Variants in SLA observed in about 807,000 individuals in gnomAD.
SLA encodes src-like-adapter.
In SLA, 16 loss-of-function variants were observed where a neutral mutation model predicts 30.3. The ratio of observed to expected loss-of-function variants is 0.53; its 90% confidence interval spans 0.36 to 0.80. SLA has a LOEUF of 0.80. Ranked by LOEUF, SLA falls within the 30% of genes least tolerant of loss-of-function variation. The pLI is 0.01. For missense variants in SLA, 310 were observed against 345.2 expected, an observed-to-expected ratio of 0.90 and a Z score of 0.81; for synonymous variants, 143 against 137.8, an observed-to-expected ratio of 1.04 and a Z score of -0.26.
intron 1 of SLA, among the ~76,000 whole-genome samples, chr8:133,081,624 G>T (rs1037343513): frequency 6.6e-6 from 1 of 152,196 alleles, no homozygotes; most frequent in Non-Finnish European, 1.5e-5. Context: ...CACCACAACT[G>T]TCTGCTGCGA....
intron 1 of SLA, among the ~76,000 whole-genome samples, chr8:133,100,335 G>A: frequency 6.6e-6 from 1 of 152,018 alleles, no homozygotes; most frequent in Admixed American, 6.5e-5. Flanking sequence ...CCCTACCCCA[G>A]CACTCAAACC....
intron 5 of SLA, 36 bp downstream of exon 5, chr8:133,049,866 C>T (rs762686432): frequency 3.1e-6 from 4 of 1,306,704 alleles, no homozygotes; most frequent in East Asian, 4.6e-5. Context: ...GCATACGCAT[C>T]ATGCTTAATT....
chr8:133,069,586 G>A (rs1843640091), intron 2 of SLA, among the ~76,000 whole-genome samples: 1 of 152,200 alleles, frequency 6.6e-6, no homozygotes, highest in Non-Finnish European at 1.5e-5. Flanking sequence ...GTGACTGAGT[G>A]GTGAGTGACC....
At chr8:133,047,962 T>C in intron 5 of SLA, 29 bp from the exon 6 acceptor site, 1 of 1,417,592 alleles carries the variant, frequency 7.1e-7, no homozygotes, top group Admixed American at 1.7e-5. Context: ...GCCATTAGGA[T>C]CCGGAACAAG....
intron 3 of SLA, among the ~76,000 whole-genome samples, chr8:133,054,028 C>T (rs1840905142): frequency 6.6e-6 from 1 of 152,130 alleles, no homozygotes; most frequent in Non-Finnish European, 1.5e-5. Flanking sequence ...TTCTGTGGGG[C>T]AGGGTGGCCA....
In SLA at chr8:133,062,476, G is replaced by A. The variant is rs532399182; in HGVS notation, c.-40-2276C>T. On this transcript the variant is annotated intron_variant, in intron 2 of 8. Coordinates refer to ENST00000338087, the MANE Select transcript of SLA (RefSeq NM_001045556.3). ...GCAGACACTTCCTGGGCATCTCCCC[G>A]GTGCCGGGCCCTGGGCTAGAGCCTT... 1.1e-4 allele frequency among the ~76,000 whole-genome samples: 17 copies of A among 152,372 alleles called. No homozygotes were observed. In the South Asian group the frequency reaches 2.7e-3, roughly 24 times the overall value.
chr8:133,097,822 T>C lies in SLA; in HGVS notation c.-319+4731A>G, dbSNP rs185874091. Among the ~76,000 whole-genome samples, 71 of 152,262 alleles carry C rather than the reference T, an allele frequency of 4.7e-4. 1 individual carries two copies. Among genetic ancestry groups the C allele is most frequent in the Middle Eastern group, 6.8e-3 (2 of 294 alleles). On this transcript the variant is annotated intron_variant, in intron 1 of 8. Transcript: ENST00000338087. ...TATTATATATATTTATGTGTGCGTG[T>C]GTATGTAGAGAGAGAGAAAGAAGCA...
At chr8:133,094,246 T>TTC (rs1423016289) in intron 1 of SLA, among the ~76,000 whole-genome samples, 9 of 147,572 alleles carry the variant, frequency 6.1e-5, no homozygotes, top group Admixed American at 4.0e-4. Context: ...CGTTTTCTTT[T>TTC]TTTTTTTTTT....
chr8:133,101,617 T>A (rs1849268242), intron 1 of SLA, among the ~76,000 whole-genome samples: 1 of 152,236 alleles, frequency 6.6e-6, no homozygotes, highest in Non-Finnish European at 1.5e-5. Flanking sequence ...GTGTCCAGCA[T>A]GTTTTTGTAA....
intron 1 of SLA, among the ~76,000 whole-genome samples, chr8:133,099,628 C>G (rs927624065): frequency 6.6e-6 from 1 of 152,204 alleles, no homozygotes; most frequent in Non-Finnish European, 1.5e-5. Flanking sequence ...CACCTCTGCT[C>G]CCATCCCCAA....
chr8:133,068,567 T>G (rs1004469755), intron 2 of SLA, among the ~76,000 whole-genome samples: 8 of 152,234 alleles, frequency 5.3e-5, no homozygotes, highest in African/African-American at 1.9e-4. Flanking sequence ...CATATGTGCC[T>G]TCCTGGGTGT....
At chr8:133,044,609 A>G (rs975840366) in intron 7 of SLA, among the ~76,000 whole-genome samples, 8 of 152,128 alleles carry the variant, frequency 5.3e-5, no homozygotes, top group South Asian at 2.1e-4. Context: ...TTGAAGGCCA[A>G]TGAGGATTCT....
intron 6 of SLA, 57 bp from the exon 7 acceptor site, chr8:133,045,172 C>T (rs1839087410): frequency 6.3e-7 from 1 of 1,595,176 alleles, no homozygotes; most frequent in Non-Finnish European, 8.6e-7. Context: ...CCAAGGCACC[C>T]AGCTAACCAG....
In SLA at chr8:133,050,261, A is replaced by C. The variant is rs187254214; in HGVS notation, c.162-273T>G. The C allele has an allele frequency of 6.1e-6, 3 of 491,544 alleles. No individual in the cohort carries two copies. In the Admixed American group the frequency reaches 9.7e-5, roughly 16 times the overall value. The allele number at this position is 491,544 out of a possible 1,614,324, so 30.4% of individuals were successfully genotyped here. ...TCAGGGATTAGCAGCTAATGTTCCC[A>C]ACTGTTGGAGGCTTTTTAAAAATAA... On this transcript the variant is annotated intron_variant, in intron 4 of 8. Coordinates refer to ENST00000338087, the MANE Select transcript of SLA (RefSeq NM_001045556.3).
At chr8:133,099,747 C>G (rs1432884182) in intron 1 of SLA, among the ~76,000 whole-genome samples, 2 of 152,202 alleles carry the variant, frequency 1.3e-5, no homozygotes, top group African/African-American at 2.4e-5. Flanking sequence ...TGACACTGCT[C>G]TCTCATACCC....
chr8:133,058,669 G>A (rs1228917106), intron 3 of SLA, among the ~76,000 whole-genome samples: 1 of 152,196 alleles, frequency 6.6e-6, no homozygotes, highest in Non-Finnish European at 1.5e-5. Context: ...GTGAGAAAGA[G>A]CCCGGCATTC....
Position 133,074,934 on chromosome 8 carries a change from A to G in SLA, c.-122T>C. On this transcript the variant is annotated 5_prime_UTR_variant, in exon 2 of 9. The change abolishes the stop of an existing upstream ORF in the 5' untranslated region. Coordinates refer to ENST00000338087, the MANE Select transcript of SLA (RefSeq NM_001045556.3). Reference sequence around the variant, plus strand: ...CAGAGTCACTGCCTCTCCGTCTGTCAACTGCTGCTGCTCCAGAATAAACAG... The same window carrying G: ...CAGAGTCACTGCCTCTCCGTCTGTCGACTGCTGCTGCTCCAGAATAAACAG... 1 of 985,536 alleles carries G rather than the reference A, an allele frequency of 1.0e-6. No homozygotes were observed. Among genetic ancestry groups the G allele is most frequent in the Non-Finnish European group, 1.2e-6 (1 of 829,994 alleles). 61.0% of individuals were successfully genotyped at this position (985,536 alleles called of 1,614,324 possible).
rs1837297234 is a variant in SLA, at chr8:133,037,448, T to A, written c.*1076A>T. 6.6e-6 allele frequency: 1 copy of A among 152,192 alleles called. No individual in the cohort carries two copies. Among genetic ancestry groups the A allele is most frequent in the South Asian group, 2.1e-4 (1 of 4,834 alleles). 9.4% of individuals were successfully genotyped at this position (152,192 alleles called of 1,614,324 possible). On this transcript the variant is annotated 3_prime_UTR_variant, in exon 9 of 9. Transcript: ENST00000338087. ...ATTTCTTTTCTAAAAAATCCAGCTA[T>A]TCTTACCTACCCGATCCAGCCAGCC...
intron 6 of SLA, among the ~76,000 whole-genome samples, chr8:133,046,103 CT>C (rs1839337708): frequency 6.6e-6 from 1 of 152,136 alleles, no homozygotes; most frequent in Admixed American, 6.5e-5. Flanking sequence ...AGCCATGTGC[CT>C]CGATTTCCTC....
Sources: allele counts gnomAD v4.1 joint callset (sites outside exome capture counted in the v4.1 genomes callset), GRCh38; gene constraint gnomAD v4.1.1; transcripts MANE v1.5; gene names NCBI Gene and HGNC (gene_info 2026-07-23, HGNC 2026-07-21).